CTNNA2: variants seen among roughly 807,000 people sequenced by gnomAD.
CTNNA2 encodes the protein catenin alpha-2.
A neutral mutation model predicts 101.0 loss-of-function variants in CTNNA2; 42 were observed. The ratio of observed to expected loss-of-function variants is 0.42; its 90% CI spans 0.32 to 0.54. The LOEUF is 0.54. Among genes scored for constraint, CTNNA2 ranks in the 20% least tolerant of loss-of-function variants. The pLI is 0.14. For synonymous variants in CTNNA2, 450 were observed against 456.4 expected (o/e 0.99, Z 0.18); for missense variants, 871 against 1,223.1 (o/e 0.71, Z 4.29).
At chr2:80,422,647 A>G (rs1301502857) in intron 9 of CTNNA2, among the ~76,000 whole-genome samples, 1 of 152,210 alleles carries the variant, frequency 6.6e-6, no homozygotes, top group Non-Finnish European at 1.5e-5. Flanking sequence ...TTAAAAAACT[A>G]TGAATAACTA....
chr2:79,784,341 C>T (rs528582314), intron 3 of CTNNA2, among the ~76,000 whole-genome samples: 4 of 151,950 alleles, frequency 2.6e-5, no homozygotes, highest in South Asian at 2.1e-4. Context: ...GTTATGACCA[C>T]GGGAACTTCT....
At chr2:80,162,945 T>C in intron 7 of CTNNA2, 1 of 1,540,862 alleles carries the variant, frequency 6.5e-7, no homozygotes, top group South Asian at 1.1e-5. Flanking sequence ...AACATGATAT[T>C]GGGGATATGG....
intron 4 of CTNNA2, among the ~76,000 whole-genome samples, chr2:79,488,436 ACAAAAAGT>A (rs1467747121): frequency 6.6e-6 from 1 of 151,930 alleles, no homozygotes; most frequent in African/African-American, 2.4e-5. Flanking sequence ...CTGACTTTGG[ACAAAAAGT>A]GTAGACTAGA....
chr2:79,913,356 G>A (rs549847506), intron 7 of CTNNA2, among the ~76,000 whole-genome samples: 3 of 152,302 alleles, frequency 2.0e-5, no homozygotes, highest in East Asian at 1.9e-4. Context: ...GCACCCACCC[G>A]TTTGAAGCAC....
intron 2 of CTNNA2, among the ~76,000 whole-genome samples, chr2:79,239,004 G>A (rs1240301675): frequency 1.3e-5 from 2 of 152,048 alleles, no homozygotes; most frequent in Non-Finnish European, 2.9e-5. Flanking sequence ...AGGATGTGCA[G>A]GTTTGTTACA....
rs908597670 is a variant in CTNNA2 at position 79,994,589 on chromosome 2, G to GA, written c.1056+84803dup. Reference sequence around the variant, plus strand: ...TGCTAGGTTTTCTTCTGTTTCATAGGAAAAAAAAAAATTTGAAGTCTAGGG... The same window carrying GA: ...TGCTAGGTTTTCTTCTGTTTCATAGGAAAAAAAAAAAATTTGAAGTCTAGGG... On this transcript the variant is annotated intron_variant, in intron 7 of 18. Coordinates refer to ENST00000402739, the MANE Select transcript of CTNNA2 (RefSeq NM_001282597.3). Among the ~76,000 whole-genome samples, 170 of 146,464 alleles carry GA rather than the reference G, an allele frequency of 1.2e-3. 1 individual carries two copies. Among genetic ancestry groups the GA allele is most frequent in the Admixed American group, 3.7e-3 (54 of 14,740 alleles).
intron 12 of CTNNA2, among the ~76,000 whole-genome samples, chr2:80,568,405 A>G (rs527714658): frequency 6.6e-6 from 1 of 152,240 alleles, no homozygotes; most frequent in Admixed American, 6.5e-5. Flanking sequence ...TCTCTACCCA[A>G]CTGGATAGAT....
At chr2:79,629,290 C>G (rs548506350) in intron 1 of CTNNA2, among the ~76,000 whole-genome samples, 1 of 152,124 alleles carries the variant, frequency 6.6e-6, no homozygotes, top group Non-Finnish European at 1.5e-5. Flanking sequence ...GACCTATCTT[C>G]AAAGCACCTG....
intron 7 of CTNNA2, among the ~76,000 whole-genome samples, chr2:80,342,301 A>AG (rs1672317604): frequency 1.3e-5 from 2 of 152,222 alleles, no homozygotes; most frequent in African/African-American, 4.8e-5. Flanking sequence ...AAATAGTATC[A>AG]CCTGGAGTTG....
intron 7 of CTNNA2, among the ~76,000 whole-genome samples, chr2:80,187,948 G>A (rs1456171397): frequency 2.0e-5 from 3 of 152,112 alleles, no homozygotes; most frequent in East Asian, 3.9e-4. Flanking sequence ...GTTAGACAGA[G>A]TATGTTCCCA....
At chr2:80,280,135 G>A (rs1558965213) in intron 7 of CTNNA2, among the ~76,000 whole-genome samples, 2 of 151,084 alleles carry the variant, frequency 1.3e-5, no homozygotes, top group Non-Finnish European at 3.0e-5. Flanking sequence ...GACCAAATAG[G>A]ATCTTGTGTG....
chr2:80,100,028 C>A (rs1700444312), intron 7 of CTNNA2, among the ~76,000 whole-genome samples: 1 of 152,138 alleles, frequency 6.6e-6, no homozygotes, highest in Admixed American at 6.5e-5. Flanking sequence ...CTCCCAGATT[C>A]AAGCAATTCT....
chr2:79,269,721 C>A (rs778472726), intron 2 of CTNNA2, among the ~76,000 whole-genome samples: 2 of 152,152 alleles, frequency 1.3e-5, no homozygotes, highest in African/African-American at 4.8e-5. Flanking sequence ...CTCCCCTAAG[C>A]ACAGAGGGCA....
At chr2:80,071,358 T>C (rs1698329305) in intron 7 of CTNNA2, among the ~76,000 whole-genome samples, 1 of 152,222 alleles carries the variant, frequency 6.6e-6, no homozygotes, top group Non-Finnish European at 1.5e-5. Flanking sequence ...AGCATCCCGC[T>C]CTGTTGAATG....
intron 1 of CTNNA2, among the ~76,000 whole-genome samples, chr2:79,561,341 G>A (rs555081846): frequency 9.9e-5 from 15 of 151,756 alleles, no homozygotes; most frequent in Admixed American, 5.9e-4. Context: ...TGGGCATTTG[G>A]GTGTTTCTAC....
At position 80,327,571 on chromosome 2, in the gene CTNNA2, C is replaced by T. The variant is rs111370524; in HGVS notation, c.1057-65640C>T. Among the ~76,000 whole-genome samples the T allele has an allele frequency of 1.1e-3, 169 of 152,154 alleles. 1 individual carries two copies. The highest frequency in any genetic ancestry group is 3.8e-3 in the African/African-American group (159 of 41,514). The stretch of plus-strand genomic sequence containing the variant: ...AGTTGGCTTTAGTGAGTATGAGTTT[C>T]TTGATTATTACTGTCATCATGTGAA... On this transcript the variant is annotated intron_variant, in intron 7 of 18. Transcript: ENST00000402739.
In CTNNA2 at chr2:79,718,288, TAACA is replaced by T. The variant is rs1422276577; in HGVS notation, c.103-26098_103-26095del. ...TTTCTCTTTTCTTAAAAATAAAAAC[TAACA>T]GAGATTGGAATGATCATATTCAGTA... On this transcript the variant is annotated intron_variant, in intron 2 of 18. Transcript: ENST00000402739. Among the ~76,000 whole-genome samples, 56 of 152,306 alleles carry T rather than the reference TAACA, an allele frequency of 3.7e-4. 1 individual carries two copies. Among genetic ancestry groups the T allele is most frequent in the African/African-American group, 1.2e-3 (48 of 41,586 alleles).
intron 2 of CTNNA2, among the ~76,000 whole-genome samples, chr2:79,311,898 A>G (rs1234346456): frequency 6.6e-6 from 1 of 151,962 alleles, no homozygotes; most frequent in Admixed American, 6.6e-5. Context: ...GGGCAGTCTT[A>G]TTTTTGTTTT....
intron 4 of CTNNA2, among the ~76,000 whole-genome samples, chr2:79,404,826 C>A (rs1678324973): frequency 6.6e-6 from 1 of 151,934 alleles, no homozygotes; most frequent in Non-Finnish European, 1.5e-5. Context: ...TCTAATATAA[C>A]CTCATAATTC....
Sources: allele counts gnomAD v4.1 joint callset (sites outside exome capture counted in the v4.1 genomes callset), GRCh38; gene constraint gnomAD v4.1.1; transcripts MANE v1.5; gene names NCBI Gene and HGNC (gene_info 2026-07-23, HGNC 2026-07-21).